The following GPHN variants were observed in gnomAD, a reference collection of about 807,000 sequenced individuals.
GPHN encodes gephyrin.
A neutral mutation model predicts 95.5 loss-of-function variants in GPHN; 17 were observed. That is an observed-to-expected ratio of 0.18 (90% CI 0.12 to 0.27). The LOEUF (loss-of-function observed/expected upper bound fraction) is 0.27. Among genes scored for constraint, GPHN ranks in the 10% least tolerant of loss-of-function variants. The pLI is 1.00. For synonymous variants in GPHN, 320 were observed against 322.5 expected, an observed-to-expected ratio of 0.99 and a Z score of 0.08; for missense variants, 660 against 978.1, an observed-to-expected ratio of 0.67 and a Z score of 4.34.
intron 17 of GPHN, among the ~76,000 whole-genome samples, chr14:67,123,169 T>C (rs1018018920): frequency 1.3e-5 from 2 of 152,226 alleles, no homozygotes; most frequent in African/African-American, 4.8e-5. Flanking sequence ...ATACTCATGA[T>C]GTATCTATCA....
chr14:67,669,128 G>A, the GPHN span, among the ~76,000 whole-genome samples: 1 of 152,090 alleles, frequency 6.6e-6, no homozygotes, highest in Non-Finnish European at 1.5e-5. Context: ...CCATTTGGCA[G>A]GAAAAACTAA....
intron 3 of GPHN, among the ~76,000 whole-genome samples, chr14:66,781,088 T>C (rs549633047): frequency 6.6e-6 from 1 of 152,336 alleles, no homozygotes; most frequent in African/African-American, 2.4e-5. Context: ...ATTACACGTA[T>C]ATTTATTGAT....
the GPHN span, among the ~76,000 whole-genome samples, chr14:67,365,636 C>CT: frequency 2.6e-5 from 4 of 152,200 alleles, no homozygotes; most frequent in East Asian, 5.8e-4. Context: ...TGTGAATACT[C>CT]TTTTTTTAAA....
intron 4 of GPHN, among the ~76,000 whole-genome samples, chr14:66,863,908 G>A (rs1447335508): frequency 6.6e-6 from 1 of 152,126 alleles, no homozygotes; most frequent in Admixed American, 6.5e-5. Context: ...ATTGGTCTGT[G>A]CAAAAATTTC....
the GPHN span, chr14:67,340,442 A>G: frequency 6.2e-7 from 1 of 1,613,494 alleles, no homozygotes; most frequent in Non-Finnish European, 8.5e-7. Flanking sequence ...CAACAAACCT[A>G]TAGAACTCTT....
chr14:67,342,239 G>GA, the GPHN span, among the ~76,000 whole-genome samples: 2 of 148,880 alleles, frequency 1.3e-5, no homozygotes, highest in South Asian at 2.1e-4. Context: ...AAAACACAAA[G>GA]AAAAAAAGTA....
At chr14:67,093,658 T>C (rs191622957) in intron 12 of GPHN, among the ~76,000 whole-genome samples, 99 of 152,248 alleles carry the variant, frequency 6.5e-4, no homozygotes, top group East Asian at 3.3e-3. Context: ...TAATAGGCAT[T>C]TTCCCTGGAA....
the GPHN span, among the ~76,000 whole-genome samples, chr14:67,731,218 T>C: frequency 1.8e-4 from 25 of 142,656 alleles, no homozygotes; most frequent in African/African-American, 6.2e-4. Flanking sequence ...TTTTTTTTTT[T>C]TTTTTTTTTT....
At chr14:67,300,280 G>A in the GPHN span, among the ~76,000 whole-genome samples, 1 of 150,684 alleles carries the variant, frequency 6.6e-6, no homozygotes, top group Non-Finnish European at 1.5e-5. Context: ...CTGATAAAAT[G>A]ATTTAAAATA....
chr14:67,426,343 G>T, the GPHN span, among the ~76,000 whole-genome samples: 1 of 152,032 alleles, frequency 6.6e-6, no homozygotes, highest in African/African-American at 2.4e-5. Flanking sequence ...CTCAGCAAGG[G>T]AGTTAAGAAT....
chr14:66,628,139 T>C (rs1364459276), intron 1 of GPHN, among the ~76,000 whole-genome samples: 4 of 152,080 alleles, frequency 2.6e-5, no homozygotes, highest in Non-Finnish European at 5.9e-5. Flanking sequence ...ATTCAGTTAC[T>C]AACAGCAATT....
chr14:67,195,255 C>G, the GPHN span, among the ~76,000 whole-genome samples: 1 of 152,166 alleles, frequency 6.6e-6, no homozygotes, highest in East Asian at 1.9e-4. Context: ...GGAAGAGGGG[C>G]GAGACCCAGT....
chr14:67,375,967 T>C, the GPHN span, among the ~76,000 whole-genome samples: 1 of 152,216 alleles, frequency 6.6e-6, no homozygotes, highest in Admixed American at 6.5e-5. Flanking sequence ...GTAACTATGA[T>C]GAAGACCTTA....
At chr14:67,108,712 G>GGT (rs3063159) in intron 13 of GPHN, among the ~76,000 whole-genome samples, 63,219 of 130,892 alleles carry the variant, frequency 0.48, 15,001 homozygotes, top group Middle Eastern at 0.56. Context: ...TTCCCTAAGG[G>GGT]GTGTGTGTGT....
the GPHN span, among the ~76,000 whole-genome samples, chr14:67,214,741 A>G: frequency 8.5e-5 from 13 of 152,108 alleles, no homozygotes; most frequent in Admixed American, 1.3e-4. Context: ...CATTGAATCT[A>G]TAAATTACCT....
intron 9 of GPHN, among the ~76,000 whole-genome samples, chr14:67,006,991 T>A (rs2072655436): frequency 6.6e-6 from 1 of 152,198 alleles, no homozygotes. Flanking sequence ...CTCATATCCA[T>A]GACAATTCCA....
At chr14:67,041,569 A>G (rs1042070593) in intron 10 of GPHN, among the ~76,000 whole-genome samples, 2 of 152,210 alleles carry the variant, frequency 1.3e-5, no homozygotes, top group Non-Finnish European at 1.5e-5. Flanking sequence ...ATGGCTGTAT[A>G]GTATTCCATG....
chr14:67,258,150 G>A, the GPHN span, among the ~76,000 whole-genome samples: 1 of 151,932 alleles, frequency 6.6e-6, no homozygotes, highest in Admixed American at 6.6e-5. Context: ...ATAGATAGCA[G>A]TGTGCAGGGT....
the GPHN span, chr14:67,729,496 G>C: frequency 9.9e-7 from 1 of 1,008,394 alleles, no homozygotes; most frequent in Non-Finnish European, 1.5e-6. Context: ...TCCAGGTTTG[G>C]GTTGGGCCTG....
Sources: allele counts gnomAD v4.1 joint callset (sites outside exome capture counted in the v4.1 genomes callset), GRCh38; gene constraint gnomAD v4.1.1; transcripts MANE v1.5; gene names NCBI Gene and HGNC (gene_info 2026-07-23, HGNC 2026-07-21).